NOC4L: variants seen among roughly 807,000 people sequenced by gnomAD.
NOC4L encodes the protein nucleolar complex protein 4 homolog.
In NOC4L, 40 loss-of-function variants were observed where a neutral mutation model predicts 62.8. That is an observed-to-expected ratio of 0.64 (90% CI 0.49 to 0.83). The LOEUF is 0.83. Ranked by LOEUF, NOC4L falls within the 40% of genes least tolerant of loss-of-function variation. NOC4L has a pLI of 0.00. For synonymous variants in NOC4L, 433 were observed against 299.8 expected, an observed-to-expected ratio of 1.44 and a Z score of -4.59; for missense variants, 927 against 701.9, an observed-to-expected ratio of 1.32 and a Z score of -3.62.
At chr12:132,147,572 G>A (rs1897770291) in intron 4 of NOC4L, 61 bp from the exon 5 acceptor site, 1 of 1,584,320 alleles carries the variant, frequency 6.3e-7, no homozygotes, top group Admixed American at 1.7e-5. Context: ...AGGGCTGCCT[G>A]CCTGGACCTT....
chr12:132,148,320 C>T (rs1391820695), intron 7 of NOC4L, among the ~76,000 whole-genome samples: 2 of 152,202 alleles, frequency 1.3e-5, no homozygotes, highest in African/African-American at 4.8e-5. Context: ...ACCGCCGCCT[C>T]TTGGAGTCAA....
Position 132,145,604 on chromosome 12 carries a change from G to T in NOC4L, c.284G>T (p.Arg95Leu). Residue 95 changes from arginine (R) to leucine (L), a missense_variant, in exon 3 of 15, where the codon CGC (arginine) becomes CTC (leucine). By Grantham distance (102) the Arg-to-Leu change is moderately radical. Transcript: ENST00000330579. ...AAGTACAAGGTGTGGATGAGACACC[G>T]CTATCACAGCTGCTGCAATCGCTTG... The part of the protein sequence containing the change: ...TRKYKVWMRH[R>L]YHSCCNRLGE... 6.2e-7 allele frequency: 1 copy of T among 1,613,486 alleles called. No homozygotes were observed. Among genetic ancestry groups the T allele is most frequent in the Non-Finnish European group, 8.5e-7 (1 of 1,179,890 alleles).
chr12:132,148,910 C>A lies in NOC4L; in HGVS notation c.901+15C>A. 3 of 1,176,944 alleles carry A rather than the reference C, an allele frequency of 2.5e-6. No individual in the cohort carries two copies. The highest frequency in any genetic ancestry group is 3.5e-6 in the Non-Finnish European group (3 of 867,244). The allele number at this position is 1,176,944 out of a possible 1,614,324, so 72.9% of individuals were successfully genotyped here. On this transcript the variant is annotated intron_variant, in intron 9 of 14. Coordinates refer to ENST00000330579, the MANE Select transcript of NOC4L (RefSeq NM_024078.3). ...CTGCGACCTCGGTGAGTGCCGCCGC[C>A]TCGCTCACACCACACCCCTAATCCC... is the stretch of plus-strand genomic sequence containing the variant.
At position 132,151,381 on chromosome 12, in the gene NOC4L, G is replaced by T. The variant is rs542109428; in HGVS notation, c.1073+13G>T. On this transcript the variant is annotated intron_variant, in intron 11 of 14. Coordinates refer to ENST00000330579, the MANE Select transcript of NOC4L (RefSeq NM_024078.3). ...TCCTGTCCTCCTCGTGAGTACCAGGGCACCTGGCTCTGCCCTGCTCTGTGC... is the reference window on the plus strand; with the variant it reads ...TCCTGTCCTCCTCGTGAGTACCAGGTCACCTGGCTCTGCCCTGCTCTGTGC... 1.9e-6 allele frequency: 3 copies of T among 1,606,768 alleles called. No homozygotes were observed. The highest frequency in any genetic ancestry group is 2.5e-6 in the Non-Finnish European group (3 of 1,179,470).
intron 7 of NOC4L, 36 bp downstream of exon 7, chr12:132,148,142 G>C: frequency 6.2e-7 from 1 of 1,609,926 alleles, no homozygotes. Context: ...ACCCTCCCGG[G>C]TTTGGGGGTG....
At position 132,152,092 on chromosome 12, in the gene NOC4L, G is replaced by T. The variant is rs760918816; in HGVS notation, c.1326G>T (p.Gln442His). Residue 442 changes from glutamine to histidine, a missense_variant, in exon 14 of 15, where the codon CAG becomes CAT. Transcript: ENST00000330579. ...CGGCCCTACTGCCCCAGGCCCTCCAGCGCCACTACCACCCTGAGGTGTCCA... is the reference window on the plus strand; with the variant it reads ...CGGCCCTACTGCCCCAGGCCCTCCATCGCCACTACCACCCTGAGGTGTCCA... ...ESSLWELQAL[Q>H]RHYHPEVSKA... 8 of 1,572,598 alleles carry T rather than the reference G, an allele frequency of 5.1e-6. No individual in the cohort carries two copies. Among genetic ancestry groups the T allele is most frequent in the Admixed American group, 1.7e-5 (1 of 58,724 alleles).
At position 132,152,119 on chromosome 12, in the gene NOC4L, A is replaced by G. The variant is rs764405056; in HGVS notation, c.1353A>G (p.Lys451=). The change falls in exon 14 of 15, where the codon AAA becomes AAG. Residue 451 remains lysine, a synonymous_variant. Transcript: ENST00000330579. ...LQRHYHPEVS[K]AASVINQALS... Reference sequence around the variant, plus strand: ...GCCACTACCACCCTGAGGTGTCCAAAGCCGCCAGCGTCATCAACCAGGCCC... The same window carrying G: ...GCCACTACCACCCTGAGGTGTCCAAGGCCGCCAGCGTCATCAACCAGGCCC... The G allele has an allele frequency of 2.5e-6, 4 of 1,612,316 alleles. No individual in the cohort carries two copies. In the Admixed American group the frequency reaches 5.0e-5, roughly 20 times the overall value.
Position 132,151,594 on chromosome 12 carries a change from T to TG in NOC4L, c.1185dup (p.Arg396AlafsTer17). 6.2e-7 allele frequency: 1 copy of TG among 1,611,426 alleles called. No homozygotes were observed. Among genetic ancestry groups the TG allele is most frequent in the South Asian group, 1.1e-5 (1 of 91,006 alleles). On this transcript the variant is annotated frameshift_variant, in exon 12 of 15. Coordinates refer to ENST00000330579, the MANE Select transcript of NOC4L (RefSeq NM_024078.3). LOFTEE classifies it high-confidence loss of function. ...GTCCTGCCTTTCATCTGTAACCTGCTGCGCCGGCACCCTGCCTGCCGGGTC... is the reference window on the plus strand; with the variant it reads ...GTCCTGCCTTTCATCTGTAACCTGCTGGCGCCGGCACCCTGCCTGCCGGGTC...
Position 132,148,902 on chromosome 12 carries a change from GC to G in NOC4L, c.901+9del, listed in dbSNP as rs773971942. On this transcript the variant is annotated splice_region_variant and intron_variant, in intron 9 of 14. Transcript: ENST00000330579. ...ACCCGCGCCTGCGACCTCGGTGAGT[GC>G]CGCCGCCTCGCTCACACCACACCCC... is the stretch of plus-strand genomic sequence containing the variant. The G allele has an allele frequency of 2.6e-5, 35 of 1,326,930 alleles. 1 individual carries two copies. The highest frequency in any genetic ancestry group is 1.1e-4 in the Admixed American group (5 of 47,124). The allele number at this position is 1,326,930 out of a possible 1,614,324, so 82.2% of individuals were successfully genotyped here. A position where few individuals can be genotyped will look rare whatever the true frequency, so the allele number is the denominator to read the frequency against.
chr12:132,148,512 G>A lies in NOC4L; in HGVS notation c.739-97G>A, dbSNP rs1002099293. On this transcript the variant is annotated intron_variant, in intron 7 of 14. Coordinates refer to ENST00000330579, the MANE Select transcript of NOC4L (RefSeq NM_024078.3). Reference sequence around the variant, plus strand: ...GGTCAGAAAAGTGGAGAGCAGGCTTGTGTTGGCTCAGGCTGGGCTTCGGGG... The same window carrying A: ...GGTCAGAAAAGTGGAGAGCAGGCTTATGTTGGCTCAGGCTGGGCTTCGGGG... 4 of 1,335,356 alleles carry A rather than the reference G, an allele frequency of 3.0e-6. No homozygotes were observed. In the East Asian group the frequency reaches 7.6e-5, roughly 25 times the overall value. The allele number at this position is 1,335,356 out of a possible 1,614,324, so 82.7% of individuals were successfully genotyped here. A position where few individuals can be genotyped will look rare whatever the true frequency, so the allele number is the denominator to read the frequency against.
chr12:132,151,352 C>T lies in NOC4L; in HGVS notation c.1057C>T (p.Leu353Phe), dbSNP rs1481439440. ...YRARFFHLAD[L>F]FLSSSHLPAY... ...CGCCCGCTTCTTCCACCTGGCTGAC[C>T]TCTTCCTGTCCTCCTCGTGAGTACC... The change falls in exon 11 of 15, where the codon CTC becomes TTC. Residue 353 changes from leucine to phenylalanine, a missense_variant. Coordinates refer to ENST00000330579, the MANE Select transcript of NOC4L (RefSeq NM_024078.3). 1.2e-6 allele frequency: 2 copies of T among 1,610,412 alleles called. No individual in the cohort carries two copies. The highest frequency in any genetic ancestry group is 1.1e-5 in the South Asian group (1 of 91,086).
At position 132,151,358 on chromosome 12, in the gene NOC4L, C is replaced by G. The variant is rs138057292; in HGVS notation, c.1063C>G (p.Leu355Val). ...CTTCTTCCACCTGGCTGACCTCTTCCTGTCCTCCTCGTGAGTACCAGGGCA... is the reference window on the plus strand; with the variant it reads ...CTTCTTCCACCTGGCTGACCTCTTCGTGTCCTCCTCGTGAGTACCAGGGCA... Reference protein sequence around the residue: ...ARFFHLADLFLSSSHLPAYLV... With the variant: ...ARFFHLADLFVSSSHLPAYLV... The change falls in exon 11 of 15, where the codon CTG becomes GTG. Residue 355 changes from leucine to valine, a missense_variant. Leu to Val is a conservative substitution (Grantham distance 32). Transcript: ENST00000330579. 1 of 1,609,848 alleles carries G rather than the reference C, an allele frequency of 6.2e-7. No individual in the cohort carries two copies. The highest frequency in any genetic ancestry group is 8.5e-7 in the Non-Finnish European group (1 of 1,179,898).
chr12:132,147,574 C>T, intron 4 of NOC4L, 59 bp from the exon 5 acceptor site: 3 of 1,586,654 alleles, frequency 1.9e-6, no homozygotes, highest in Non-Finnish European at 1.7e-6. Flanking sequence ...GGCTGCCTGC[C>T]TGGACCTTGC....
chr12:132,150,941 G>A lies in NOC4L; in HGVS notation c.902-40G>A, dbSNP rs375247067. On this transcript the variant is annotated intron_variant, in intron 9 of 14. Transcript: ENST00000330579. The stretch of plus-strand genomic sequence containing the variant: ...TGTGGGCAGGGGGTAGGGTGGGAGC[G>A]AGGTCACTGCAGCTCCAGCCTGTGT... 1.9e-4 allele frequency: 282 copies of A among 1,492,222 alleles called. 2 individuals are homozygous for A. Among genetic ancestry groups the A allele is most frequent in the Admixed American group, 6.3e-4 (36 of 57,122 alleles). The allele number at this position is 1,492,222 out of a possible 1,614,324, so 92.4% of individuals were successfully genotyped here.
rs754138548 is a variant in NOC4L at position 132,147,912 on chromosome 12, G to A, written c.636G>A (p.Thr212=). The A allele has an allele frequency of 6.8e-5, 109 of 1,604,190 alleles. 1 individual carries two copies. In the East Asian group the frequency reaches 1.4e-3, roughly 21 times the overall value. Residue 212 remains threonine (T), a synonymous_variant, in exon 6 of 15, where the codon ACG becomes ACA. Transcript: ENST00000330579. ...VPPAFWNNAF[T]LLSAVSLPRR... ...CCGCCTTTTGGAACAATGCCTTCAC[G>A]CTGCTGTCTGCCGTGAGCCTGCCCC... is the stretch of plus-strand genomic sequence containing the variant.
At chr12:132,147,215 G>A (rs1158669672) in intron 3 of NOC4L, 66 bp from the exon 4 acceptor site, 28 of 1,253,110 alleles carry the variant, frequency 2.2e-5, no homozygotes, top group Non-Finnish European at 2.8e-5. Flanking sequence ...TCCCTGACTG[G>A]GCTGAGCTCT....
Position 132,147,618 on chromosome 12 carries a change from G to A in NOC4L, c.454-15G>A, listed in dbSNP as rs1415194599. ...GCTGGGCCGGGCAGGGCTGCTCACT[G>A]GTCCTTGCCCCTAGTTGGTGGTGGG... On this transcript the variant is annotated splice_polypyrimidine_tract_variant and intron_variant, in intron 4 of 14. Transcript: ENST00000330579. The A allele has an allele frequency of 6.2e-7, 1 of 1,612,010 alleles. No homozygotes were observed. Among genetic ancestry groups the A allele is most frequent in the East Asian group, 2.2e-5 (1 of 44,890 alleles).
intron 9 of NOC4L, chr12:132,150,756 G>A (rs139200217): frequency 0.043 from 19,752 of 462,146 alleles, 2,826 homozygotes; most frequent in African/African-American, 0.06. Context: ...CCGCCGCCTC[G>A]CTCACACCCC....
At chr12:132,147,253 C>T in intron 3 of NOC4L, 28 bp from the exon 4 acceptor site, 1 of 1,471,590 alleles carries the variant, frequency 6.8e-7, no homozygotes, top group African/African-American at 1.4e-5. Flanking sequence ...GAGGGCATCA[C>T]AGCCACCCTG....
Sources: gnomAD v4.1 joint callset for allele counts (sites outside exome capture counted in the v4.1 genomes callset) on GRCh38, gnomAD v4.1.1 for gene constraint, MANE v1.5 for transcripts, NCBI Gene and HGNC (gene_info 2026-07-23, HGNC 2026-07-21) for gene names.